Variants in ULK4 observed in about 807,000 individuals in gnomAD.
The protein encoded by ULK4 is unc-51 like kinase 4, also known as inactive serine/threonine-protein kinase ULK4.
Under a neutral mutation model 160.6 loss-of-function variants are expected in ULK4, and 133 were observed. That is an observed-to-expected ratio of 0.83 (90% CI 0.72 to 0.96). The LOEUF (loss-of-function observed/expected upper bound fraction) is 0.96, where lower values mean the gene tolerates loss of function less well. Among genes scored for constraint, ULK4 ranks in the 40% least tolerant of loss-of-function variants. The pLI is 0.00. For synonymous variants in ULK4, 534 were observed against 539.8 expected, an observed-to-expected ratio of 0.99 and a Z score of 0.15; for missense variants, 1,580 against 1,499.5, an observed-to-expected ratio of 1.05 and a Z score of -0.89.
intron 7 of ULK4, 143 bp downstream of exon 7, chr3:41,918,314 C>T (rs1699043899): frequency 2.0e-6 from 1 of 505,768 alleles, no homozygotes; most frequent in African/African-American, 2.0e-5. Flanking sequence ...GAAATACTAA[C>T]ATTTCTAAAA....
At chr3:41,633,667 A>G (rs2033837973) in intron 30 of ULK4, among the ~76,000 whole-genome samples, 1 of 152,216 alleles carries the variant, frequency 6.6e-6, no homozygotes. Flanking sequence ...ATCAGTTAGC[A>G]GATTATGACT....
Position 41,305,309 on chromosome 3 carries a change from T to C in ULK4, c.3679-55735A>G, listed in dbSNP as rs537398710. Among the ~76,000 whole-genome samples, 13 of 152,214 alleles carry C rather than the reference T, an allele frequency of 8.5e-5. No homozygotes were observed. The South Asian group carries it at 1.7e-3, about 19-fold the overall frequency. On this transcript the variant is annotated intron_variant, in intron 35 of 36. Coordinates refer to ENST00000301831, the MANE Select transcript of ULK4 (RefSeq NM_017886.4). ...GAAGCTGGACTGTACTGCTGCCATC[T>C]CGGCTCACTGCAACCTCCCTGCCTG... is the stretch of plus-strand genomic sequence containing the variant.
chr3:41,336,042 C>A (rs2080548058), intron 35 of ULK4, among the ~76,000 whole-genome samples: 1 of 152,180 alleles, frequency 6.6e-6, no homozygotes. Flanking sequence ...GCTATGACAG[C>A]TGAATGCCTA....
intron 22 of ULK4, among the ~76,000 whole-genome samples, chr3:41,735,427 A>T (rs145673115): frequency 6.6e-6 from 1 of 152,090 alleles, no homozygotes; most frequent in African/African-American, 2.4e-5. Context: ...CATCATCCCA[A>T]TTCCCCTGGG....
chr3:41,461,640 G>A (rs1004012094), intron 33 of ULK4, among the ~76,000 whole-genome samples: 1 of 152,102 alleles, frequency 6.6e-6, no homozygotes, highest in Non-Finnish European at 1.5e-5. Flanking sequence ...GTTGGAAATA[G>A]AAAATTCAAA....
intron 22 of ULK4, among the ~76,000 whole-genome samples, chr3:41,740,003 T>C (rs1361340320): frequency 1.3e-5 from 2 of 151,974 alleles, no homozygotes; most frequent in Admixed American, 1.3e-4. Flanking sequence ...TTGGAAGATA[T>C]AAAATTTTCT....
At chr3:41,260,945 T>C (rs1365552329) in intron 35 of ULK4, among the ~76,000 whole-genome samples, 2 of 152,110 alleles carry the variant, frequency 1.3e-5, no homozygotes, top group Non-Finnish European at 2.9e-5. Flanking sequence ...CCTGAGGAAG[T>C]GGTGGCATCT....
At chr3:41,575,239 C>T (rs758972971) in intron 31 of ULK4, among the ~76,000 whole-genome samples, 2 of 152,130 alleles carry the variant, frequency 1.3e-5, no homozygotes, top group Non-Finnish European at 2.9e-5. Flanking sequence ...ATATGGATTT[C>T]CTAGGAAGAA....
intron 34 of ULK4, among the ~76,000 whole-genome samples, chr3:41,419,565 C>T (rs140654143): frequency 1.1e-4 from 16 of 152,310 alleles, no homozygotes; most frequent in South Asian, 2.1e-4. Flanking sequence ...CACCGCCCTG[C>T]AGTGGTGGCG....
chr3:41,457,941 A>G (rs2083593123), intron 33 of ULK4, among the ~76,000 whole-genome samples: 1 of 152,152 alleles, frequency 6.6e-6, no homozygotes, highest in Admixed American at 6.5e-5. Context: ...TGAGAGAGGC[A>G]ATTGGATGTG....
chr3:41,607,781 C>G (rs1304039545), intron 31 of ULK4, among the ~76,000 whole-genome samples: 1 of 152,114 alleles, frequency 6.6e-6, no homozygotes, highest in Non-Finnish European at 1.5e-5. Flanking sequence ...ATAAAAAATA[C>G]CCATGGGCAT....
intron 5 of ULK4, among the ~76,000 whole-genome samples, chr3:41,926,396 C>A (rs1032408731): frequency 2.6e-4 from 39 of 152,122 alleles, no homozygotes; most frequent in African/African-American, 9.2e-4. Context: ...GGAGAGAAAC[C>A]AGCACAAAAA....
intron 16 of ULK4, among the ~76,000 whole-genome samples, chr3:41,888,125 AAAAT>A (rs563175400): frequency 2.5e-3 from 382 of 151,946 alleles, no homozygotes; most frequent in African/African-American, 7.9e-3. Flanking sequence ...AAATAATAAT[AAAAT>A]AAATAAATAA....
intron 31 of ULK4, among the ~76,000 whole-genome samples, chr3:41,568,696 A>G (rs2087868142): frequency 6.6e-6 from 1 of 152,192 alleles, no homozygotes; most frequent in South Asian, 2.1e-4. Context: ...TCAACACAGG[A>G]GACTTCTGTG....
intron 32 of ULK4, among the ~76,000 whole-genome samples, chr3:41,467,589 A>C (rs1441865317): frequency 6.6e-6 from 1 of 152,162 alleles, no homozygotes; most frequent in African/African-American, 2.4e-5. Flanking sequence ...GAGACTAAAC[A>C]AATTAAGATA....
chr3:41,686,527 T>C (rs948408967), intron 27 of ULK4, among the ~76,000 whole-genome samples: 2 of 152,202 alleles, frequency 1.3e-5, no homozygotes, highest in Non-Finnish European at 2.9e-5. Flanking sequence ...ACTTTTACAT[T>C]AATTTGAAAA....
intron 35 of ULK4, among the ~76,000 whole-genome samples, chr3:41,269,630 AC>A (rs1167232532): frequency 1.3e-5 from 2 of 152,362 alleles, no homozygotes; most frequent in East Asian, 1.9e-4. Context: ...TTAATGAAAT[AC>A]AATGTATAAA....
At chr3:41,734,093 G>C (rs540856260) in intron 22 of ULK4, among the ~76,000 whole-genome samples, 3 of 152,170 alleles carry the variant, frequency 2.0e-5, no homozygotes, top group East Asian at 3.9e-4. Context: ...TACTGGGGTG[G>C]GGGGAGCTGA....
intron 35 of ULK4, among the ~76,000 whole-genome samples, chr3:41,346,451 C>T (rs2080801517): frequency 6.6e-6 from 1 of 152,124 alleles, no homozygotes; most frequent in Non-Finnish European, 1.5e-5. Context: ...TCTTGCTTTC[C>T]CTTCTCTGCA....
Sources: gnomAD v4.1 joint callset for allele counts (sites outside exome capture counted in the v4.1 genomes callset) on GRCh38, gnomAD v4.1.1 for gene constraint, MANE v1.5 for transcripts, NCBI Gene and HGNC (gene_info 2026-07-23, HGNC 2026-07-21) for gene names.